The following MYO1E variants were observed in gnomAD, a reference collection of about 807,000 sequenced individuals.
MYO1E encodes the protein myosin IE.
A neutral mutation model predicts 151.1 loss-of-function variants in MYO1E; 68 were observed. The observed-to-expected ratio is 0.45, with a 90% CI of 0.37 to 0.55. MYO1E has a LOEUF of 0.55. Among genes scored for constraint, MYO1E ranks in the 20% least tolerant of loss-of-function variants. The probability of loss-of-function intolerance (pLI) is 0.00; values close to 1 mark genes in which losing one functional copy is unlikely to be tolerated. For synonymous variants in MYO1E, 601 were observed against 501.7 expected, an observed-to-expected ratio of 1.20 and a Z score of -2.64; for missense variants, 1,363 against 1,389.3, an observed-to-expected ratio of 0.98 and a Z score of 0.30.
At chr15:59,151,099 T>C (rs2079475414) in intron 26 of MYO1E, among the ~76,000 whole-genome samples, 1 of 151,364 alleles carries the variant, frequency 6.6e-6, no homozygotes, top group Non-Finnish European at 1.5e-5. Context: ...AAGGGCGGCA[T>C]CCACTCTACT....
intron 1 of MYO1E, among the ~76,000 whole-genome samples, chr15:59,307,071 G>A (rs2080519032): frequency 6.6e-6 from 1 of 152,206 alleles, no homozygotes. Flanking sequence ...TTCCTGGCAG[G>A]AAAATGAAGG....
intron 4 of MYO1E, among the ~76,000 whole-genome samples, chr15:59,246,694 T>C (rs1484538614): frequency 6.6e-6 from 1 of 152,036 alleles, no homozygotes; most frequent in African/African-American, 2.4e-5. Flanking sequence ...AATATAGAAA[T>C]AGGCCATAGA....
intron 21 of MYO1E, among the ~76,000 whole-genome samples, chr15:59,173,101 ACTGTTCCTC>A (rs2140316868): frequency 6.6e-6 from 1 of 152,344 alleles, no homozygotes; most frequent in East Asian, 1.9e-4. Flanking sequence ...TGAAAAATCA[ACTGTTCCTC>A]CTGTGGCTGG....
intron 18 of MYO1E, among the ~76,000 whole-genome samples, chr15:59,180,426 A>C (rs1360706394): frequency 6.6e-6 from 1 of 152,170 alleles, no homozygotes; most frequent in Non-Finnish European, 1.5e-5. Context: ...CTGAGAGTAC[A>C]GTTTTGCTTG....
intron 1 of MYO1E, among the ~76,000 whole-genome samples, chr15:59,336,993 T>C (rs988514300): frequency 5.3e-5 from 8 of 150,688 alleles, no homozygotes; most frequent in East Asian, 3.9e-4. Flanking sequence ...CTGTCTATCA[T>C]TGATGGACAT....
chr15:59,369,157 A>C (rs1021222947), intron 1 of MYO1E, among the ~76,000 whole-genome samples: 17 of 152,242 alleles, frequency 1.1e-4, no homozygotes, highest in African/African-American at 3.4e-4. Context: ...TTCTAAATAC[A>C]TGCCATGCCA....
intron 5 of MYO1E, among the ~76,000 whole-genome samples, chr15:59,236,360 A>AAG (rs2140357793): frequency 3.2e-5 from 2 of 62,966 alleles, no homozygotes; most frequent in Admixed American, 2.5e-4. Flanking sequence ...AAGAAAAAAA[A>AAG]AAAATATATA....
intron 3 of MYO1E, among the ~76,000 whole-genome samples, chr15:59,257,157 C>T (rs552709403): frequency 2.6e-5 from 4 of 152,344 alleles, no homozygotes; most frequent in African/African-American, 9.6e-5. Context: ...ACCTTTACCA[C>T]AACCTCAAAA....
At chr15:59,239,748 T>C (rs1566989298) in intron 4 of MYO1E, among the ~76,000 whole-genome samples, 1 of 152,222 alleles carries the variant, frequency 6.6e-6, no homozygotes, top group South Asian at 2.1e-4. Flanking sequence ...TCACTAAACA[T>C]TGATCGGAAT....
At position 59,208,239 on chromosome 15, in the gene MYO1E, T is replaced by C. The variant is rs1448764458; in HGVS notation, c.1530+442A>G. On this transcript the variant is annotated intron_variant, in intron 14 of 27. Transcript: ENST00000288235. ...TTTATTTAGTCCTCCAGCTCTTTTA[T>C]TGAGCATCCACGTGCTGGACGATAC... The C allele has an allele frequency of 1.0e-5, 7 of 700,688 alleles. No homozygotes were observed. In the East Asian group the frequency reaches 1.1e-4, roughly 11 times the overall value. 43.4% of individuals were successfully genotyped at this position (700,688 alleles called of 1,614,324 possible). A position where few individuals can be genotyped will look rare whatever the true frequency, so the allele number is the denominator to read the frequency against.
At chr15:59,246,122 T>G (rs1335055461) in intron 4 of MYO1E, among the ~76,000 whole-genome samples, 1 of 152,158 alleles carries the variant, frequency 6.6e-6, no homozygotes, top group Non-Finnish European at 1.5e-5. Context: ...ATTTTTAATC[T>G]TTTTTTATTT....
chr15:59,272,297 A>G lies in MYO1E; in HGVS notation c.147+9T>C. On this transcript the variant is annotated intron_variant, in intron 2 of 27. Coordinates refer to ENST00000288235, the MANE Select transcript of MYO1E (RefSeq NM_004998.4). ...CTTAGAAATGTCCAAAGCAGCCAAT[A>G]AAGGATACAAAAATGTAGTCATCCA... 6.2e-7 allele frequency: 1 copy of G among 1,613,936 alleles called. No individual in the cohort carries two copies.
intron 10 of MYO1E, among the ~76,000 whole-genome samples, chr15:59,216,667 T>TGTGTGTGTGTGTATGTG (rs1491491314): frequency 1.2e-4 from 1 of 8,668 alleles, no homozygotes; most frequent in African/African-American, 2.4e-4. Context: ...TGTGTATGTG[T>TGTGTGTGTGTGTATGTG]ATATATATAT....
chr15:59,317,313 C>T (rs1470278717), intron 1 of MYO1E, among the ~76,000 whole-genome samples: 2 of 152,086 alleles, frequency 1.3e-5, no homozygotes, highest in Non-Finnish European at 2.9e-5. Flanking sequence ...TAAGACATAC[C>T]CTTTTCTCCC....
chr15:59,238,928 G>A (rs1242814513), intron 4 of MYO1E, among the ~76,000 whole-genome samples: 4 of 151,304 alleles, frequency 2.6e-5, no homozygotes, highest in South Asian at 2.1e-4. Flanking sequence ...TTTTTATGCC[G>A]GGTACAATGG....
At chr15:59,237,645 G>A (rs1006843016) in intron 4 of MYO1E, among the ~76,000 whole-genome samples, 3 of 152,148 alleles carry the variant, frequency 2.0e-5, no homozygotes, top group Admixed American at 2.0e-4. Flanking sequence ...ATTTTTGTTC[G>A]CGCTTCGCGA....
At chr15:59,265,869 A>T (rs919659294) in intron 2 of MYO1E, among the ~76,000 whole-genome samples, 1 of 151,204 alleles carries the variant, frequency 6.6e-6, no homozygotes, top group Admixed American at 6.6e-5. Context: ...TGGGAGGCTG[A>T]GGTGGGAGGA....
chr15:59,327,386 C>T (rs564468881), intron 1 of MYO1E, among the ~76,000 whole-genome samples: 1 of 151,730 alleles, frequency 6.6e-6, no homozygotes, highest in Non-Finnish European at 1.5e-5. Context: ...GAGTGCAGTG[C>T]CAGCCTCGAC....
intron 3 of MYO1E, among the ~76,000 whole-genome samples, chr15:59,259,874 C>T (rs2080215285): frequency 6.6e-6 from 1 of 152,218 alleles, no homozygotes; most frequent in Admixed American, 6.5e-5. Context: ...GACTTCAACT[C>T]CTAGCTCCAT....
Sources: allele counts gnomAD v4.1 joint callset (sites outside exome capture counted in the v4.1 genomes callset), GRCh38; gene constraint gnomAD v4.1.1; transcripts MANE v1.5; gene names NCBI Gene and HGNC (gene_info 2026-07-23, HGNC 2026-07-21).